NAV2: variants seen among roughly 807,000 people sequenced by gnomAD.
The protein encoded by NAV2 is neuron navigator 2.
In NAV2, 54 loss-of-function variants were observed where a neutral mutation model predicts 223.2. That is an observed-to-expected ratio of 0.24 (90% CI 0.19 to 0.30). The LOEUF is 0.30. Among genes scored for constraint, NAV2 ranks in the 10% least tolerant of loss-of-function variants. NAV2 has a pLI of 1.00. For missense variants in NAV2, 2,806 were observed against 3,147.5 expected, an observed-to-expected ratio of 0.89 and a Z score of 2.60; for synonymous variants, 1,279 against 1,239.3, an observed-to-expected ratio of 1.03 and a Z score of -0.67.
At chr11:19,892,339 T>C (rs2041572041) in intron 5 of NAV2, 95 bp from the exon 6 acceptor site, 7 of 1,240,450 alleles carry the variant, frequency 5.6e-6, no homozygotes, top group African/African-American at 3.0e-5. Flanking sequence ...TCTTGGATAG[T>C]TTCTTTTGCC....
At chr11:19,759,974 A>G (rs554738366) in intron 1 of NAV2, 18 of 154,398 alleles carry the variant, frequency 1.2e-4, no homozygotes, top group African/African-American at 4.3e-4. Flanking sequence ...AGCATCCTTC[A>G]AAGCTGATTT....
chr11:19,656,649 C>A (rs890641106), intron 1 of NAV2, among the ~76,000 whole-genome samples: 1 of 152,160 alleles, frequency 6.6e-6, no homozygotes, highest in Non-Finnish European at 1.5e-5. Flanking sequence ...GGACTTGGTA[C>A]AGGGTGCCTG....
chr11:19,474,794 G>A (rs2042067624), intron 1 of NAV2, among the ~76,000 whole-genome samples: 1 of 152,214 alleles, frequency 6.6e-6, no homozygotes, highest in Non-Finnish European at 1.5e-5. Context: ...TGTCCAAAGA[G>A]AATCCTTTAT....
At chr11:19,527,421 T>G (rs142299248) in intron 1 of NAV2, among the ~76,000 whole-genome samples, 88 of 152,252 alleles carry the variant, frequency 5.8e-4, no homozygotes, top group South Asian at 3.3e-3. Context: ...GCATGAAAAT[T>G]GACTAATTCA....
chr11:19,556,929 C>T (rs1367805181), intron 1 of NAV2, among the ~76,000 whole-genome samples: 5 of 152,176 alleles, frequency 3.3e-5, no homozygotes, highest in Non-Finnish European at 7.3e-5. Flanking sequence ...GAAATTCTTA[C>T]TAGTCTTCTA....
At chr11:20,022,836 A>G in intron 11 of NAV2, 2 of 1,272,174 alleles carry the variant, frequency 1.6e-6, no homozygotes, top group Non-Finnish European at 2.0e-6. Flanking sequence ...TGCTTTGCTG[A>G]AACTTTTCAC....
At chr11:19,678,919 C>T (rs10741790) in intron 1 of NAV2, among the ~76,000 whole-genome samples, 113,100 of 152,108 alleles carry the variant, frequency 0.74, 46,175 homozygotes, top group Non-Finnish European at 0.91. Context: ...ACCACCTCCA[C>T]GAGCTAAACC....
At chr11:19,499,055 A>G (rs574881213) in intron 1 of NAV2, among the ~76,000 whole-genome samples, 3 of 152,358 alleles carry the variant, frequency 2.0e-5, no homozygotes, top group South Asian at 2.1e-4. Context: ...TGCAAGCCAT[A>G]CAGCCTAGCC....
At chr11:19,470,083 G>C (rs1306764808) in intron 1 of NAV2, among the ~76,000 whole-genome samples, 2 of 152,250 alleles carry the variant, frequency 1.3e-5, no homozygotes, top group African/African-American at 2.4e-5. Flanking sequence ...AGGGGTGGAA[G>C]ACCTGGAAGA....
At chr11:19,668,811 C>A (rs2048499366) in intron 1 of NAV2, among the ~76,000 whole-genome samples, 1 of 152,168 alleles carries the variant, frequency 6.6e-6, no homozygotes, top group East Asian at 1.9e-4. Flanking sequence ...AGTAAGGCCC[C>A]AGGATCCCTG....
chr11:19,754,795 T>C (rs1318007208), intron 1 of NAV2, among the ~76,000 whole-genome samples: 1 of 152,250 alleles, frequency 6.6e-6, no homozygotes, highest in Non-Finnish European at 1.5e-5. Context: ...GCTCATCTTG[T>C]ATACTTCACT....
chr11:19,411,573 G>C (rs1212855726), intron 1 of NAV2, among the ~76,000 whole-genome samples: 2 of 152,122 alleles, frequency 1.3e-5, no homozygotes, highest in Non-Finnish European at 2.9e-5. Flanking sequence ...AAGGTGCCCT[G>C]AGAATGTTCT....
At chr11:19,915,726 C>G (rs546138166) in intron 6 of NAV2, among the ~76,000 whole-genome samples, 1 of 152,330 alleles carries the variant, frequency 6.6e-6, no homozygotes, top group East Asian at 1.9e-4. Context: ...CTCTAGTTGT[C>G]CTCCCCAGGT....
rs1038089091 is a variant in NAV2 at position 20,118,588 on chromosome 11, A to G, written c.*330A>G. ...TTGAAATGAAAAGAGAGACAGAGAG[A>G]AAAAAAAAAAGAGAACCCACATGAA... is the stretch of plus-strand genomic sequence containing the variant. On this transcript the variant is annotated 3_prime_UTR_variant, in exon 38 of 38. Coordinates refer to ENST00000349880, the MANE Select transcript of NAV2 (RefSeq NM_145117.5). 37 of 170,048 alleles carry G rather than the reference A, an allele frequency of 2.2e-4. No homozygotes were observed. The highest frequency in any genetic ancestry group is 3.8e-4 in the Non-Finnish European group (31 of 81,100). The allele number at this position is 170,048 out of a possible 1,614,324, so 10.5% of individuals were successfully genotyped here. A position where few individuals can be genotyped will look rare whatever the true frequency, so the allele number is the denominator to read the frequency against.
intron 1 of NAV2, among the ~76,000 whole-genome samples, chr11:19,745,145 G>T (rs1405174246): frequency 1.3e-5 from 2 of 152,166 alleles, no homozygotes; most frequent in African/African-American, 4.8e-5. Flanking sequence ...GACAGTTGCT[G>T]AGAAGACATG....
chr11:19,814,833 T>C (rs1007275576), intron 1 of NAV2, among the ~76,000 whole-genome samples: 3 of 152,118 alleles, frequency 2.0e-5, no homozygotes, highest in Non-Finnish European at 4.4e-5. Flanking sequence ...CTTAGCCTAT[T>C]CTTCTTGTAA....
chr11:20,106,819 A>AT (rs1204506123), intron 35 of NAV2, among the ~76,000 whole-genome samples: 2 of 149,040 alleles, frequency 1.3e-5, no homozygotes, highest in African/African-American at 5.0e-5. Flanking sequence ...ATTTTTTTGT[A>AT]TTTTTTAGTA....
chr11:19,484,640 A>G (rs553225515), intron 1 of NAV2, among the ~76,000 whole-genome samples: 2 of 152,316 alleles, frequency 1.3e-5, no homozygotes, highest in East Asian at 3.9e-4. Context: ...GAGGAGGCAG[A>G]AATAGGCTTT....
Position 19,942,550 on chromosome 11 carries a change from TG to T in NAV2, c.2146+2778del, listed in dbSNP as rs536592803. Among the ~76,000 whole-genome samples, 942 of 152,342 alleles carry T rather than the reference TG, an allele frequency of 6.2e-3. 6 individuals are homozygous for T. Among genetic ancestry groups the T allele is most frequent in the Non-Finnish European group, 0.01 (703 of 68,032 alleles). The stretch of plus-strand genomic sequence containing the variant: ...CATTGCCACAATTTAAATATTTATC[TG>T]TGGATAACTGAAGTCCATGCTTTTC... On this transcript the variant is annotated intron_variant, in intron 8 of 37. Coordinates refer to ENST00000349880, the MANE Select transcript of NAV2 (RefSeq NM_145117.5).
Sources: allele counts gnomAD v4.1 joint callset (sites outside exome capture counted in the v4.1 genomes callset), GRCh38; gene constraint gnomAD v4.1.1; transcripts MANE v1.5; gene names NCBI Gene and HGNC (gene_info 2026-07-23, HGNC 2026-07-21).